Variants in SLC35F4 observed in about 807,000 individuals in gnomAD.
The protein encoded by SLC35F4 is solute carrier family 35 member F4.
SLC35F4 carries 24 observed loss-of-function variants against 44.2 expected under a neutral mutation model. The ratio of observed to expected loss-of-function variants is 0.54; its 90% CI spans 0.39 to 0.76. The LOEUF (loss-of-function observed/expected upper bound fraction) is 0.76, where lower values mean the gene tolerates loss of function less well. SLC35F4 is among the 30% of genes least tolerant of loss of function. The probability of loss-of-function intolerance (pLI) is 0.00; values close to 1 mark genes in which losing one functional copy is unlikely to be tolerated. For synonymous variants in SLC35F4, 238 were observed against 223.6 expected, an observed-to-expected ratio of 1.06 and a Z score of -0.57; for missense variants, 562 against 586.1, an observed-to-expected ratio of 0.96 and a Z score of 0.42.
At chr14:57,780,816 C>T (rs963836428) in intron 1 of SLC35F4, among the ~76,000 whole-genome samples, 2 of 151,590 alleles carry the variant, frequency 1.3e-5, no homozygotes, top group Non-Finnish European at 3.0e-5. Context: ...GCTGCACCCC[C>T]ACAACCATCT....
intron 1 of SLC35F4, among the ~76,000 whole-genome samples, chr14:57,666,908 G>C (rs73305940): frequency 1.3e-5 from 2 of 151,892 alleles, no homozygotes; most frequent in African/African-American, 4.8e-5. Flanking sequence ...CCAGGGAGAC[G>C]GAGACTACAA....
chr14:57,698,418 G>C (rs2075443662), intron 1 of SLC35F4, among the ~76,000 whole-genome samples: 1 of 152,140 alleles, frequency 6.6e-6, no homozygotes, highest in South Asian at 2.1e-4. Flanking sequence ...CAAGTCCCCA[G>C]AGAAGGTTTT....
chr14:57,773,907 C>T lies in SLC35F4; in HGVS notation c.103+91816G>A, dbSNP rs576039201. 6.6e-5 allele frequency among the ~76,000 whole-genome samples: 10 copies of T among 152,252 alleles called. No homozygotes were observed. In the East Asian group the frequency reaches 1.4e-3, roughly 21 times the overall value. On this transcript the variant is annotated intron_variant, in intron 1 of 7. Transcript: ENST00000556826. ...AATTCGTGCCACAAGAAAAATATCTCCCAGACCTTGCCTTCCTTTAGGAAT... is the reference window on the plus strand; with the variant it reads ...AATTCGTGCCACAAGAAAAATATCTTCCAGACCTTGCCTTCCTTTAGGAAT...
chr14:57,670,765 C>A (rs915647753), intron 1 of SLC35F4, among the ~76,000 whole-genome samples: 7 of 151,780 alleles, frequency 4.6e-5, no homozygotes, highest in Admixed American at 2.6e-4. Context: ...CCTAGTTGTG[C>A]ATTTCCTTGG....
intron 1 of SLC35F4, among the ~76,000 whole-genome samples, chr14:57,717,664 G>T (rs1343667265): frequency 6.6e-6 from 1 of 152,152 alleles, no homozygotes; most frequent in Non-Finnish European, 1.5e-5. Flanking sequence ...TCACATCATT[G>T]ACAGAATTAT....
At chr14:57,699,760 A>G (rs550290054) in intron 1 of SLC35F4, among the ~76,000 whole-genome samples, 60 of 152,346 alleles carry the variant, frequency 3.9e-4, no homozygotes, top group Non-Finnish European at 7.4e-4. Flanking sequence ...ATCTACTTTA[A>G]GGACACATAG....
At chr14:57,696,918 G>A (rs534288570) in intron 1 of SLC35F4, among the ~76,000 whole-genome samples, 4 of 152,210 alleles carry the variant, frequency 2.6e-5, no homozygotes, top group East Asian at 1.9e-4. Context: ...GGGCCTGTCC[G>A]GGGTTGTGGG....
At chr14:57,629,289 T>C (rs1454962463) in intron 1 of SLC35F4, among the ~76,000 whole-genome samples, 1 of 152,096 alleles carries the variant, frequency 6.6e-6, no homozygotes, top group African/African-American at 2.4e-5. Context: ...ATGTTTGACC[T>C]CCACTAAAAA....
At chr14:57,781,148 A>G (rs1368926077) in intron 1 of SLC35F4, among the ~76,000 whole-genome samples, 2 of 152,206 alleles carry the variant, frequency 1.3e-5, no homozygotes, top group East Asian at 1.9e-4. Context: ...GAATGGGAGA[A>G]ATATTTGCAA....
chr14:57,630,543 C>G (rs557775890), intron 1 of SLC35F4: 11 of 1,112,110 alleles, frequency 9.9e-6, no homozygotes, highest in South Asian at 8.5e-5. Flanking sequence ...GATTCCAAAA[C>G]ACATTATAAG....
intron 1 of SLC35F4, among the ~76,000 whole-genome samples, chr14:57,685,690 G>C (rs1217329174): frequency 6.6e-6 from 1 of 152,162 alleles, no homozygotes; most frequent in Non-Finnish European, 1.5e-5. Flanking sequence ...TGGTGTTCAA[G>C]AATTTAATAC....
chr14:57,965,663 C>G (rs1309697615), intron 1 of SLC35F4, among the ~76,000 whole-genome samples: 1 of 152,126 alleles, frequency 6.6e-6, no homozygotes, highest in East Asian at 1.9e-4. Context: ...TGGCCAGGCA[C>G]ATTTTGAAAA....
chr14:57,853,589 C>T (rs1300605978), intron 1 of SLC35F4, among the ~76,000 whole-genome samples: 3 of 152,104 alleles, frequency 2.0e-5, no homozygotes, highest in Non-Finnish European at 4.4e-5. Flanking sequence ...TGTCTCTTTC[C>T]CCAGGAATCT....
chr14:57,817,388 G>A (rs1392388231), intron 1 of SLC35F4, among the ~76,000 whole-genome samples: 3 of 152,042 alleles, frequency 2.0e-5, no homozygotes, highest in Non-Finnish European at 2.9e-5. Flanking sequence ...TTAGAGAATG[G>A]CCTCCTTTCC....
At chr14:57,720,604 G>A (rs9707750) in intron 1 of SLC35F4, among the ~76,000 whole-genome samples, 60,109 of 151,764 alleles carry the variant, frequency 0.4, 11,925 homozygotes, top group Middle Eastern at 0.41. Context: ...AGACTGTGAT[G>A]GCTAATACTG....
Position 57,831,234 on chromosome 14 carries a change from C to G in SLC35F4, c.103+34489G>C, listed in dbSNP as rs144432907. ...TCCACAGTATCTCTAATATCTTTCT[C>G]TCCCTGCCATGTGAGAATATAGTGA... On this transcript the variant is annotated intron_variant, in intron 1 of 7. Coordinates refer to ENST00000556826, the MANE Select transcript of SLC35F4 (RefSeq NM_001306087.2). Among the ~76,000 whole-genome samples the G allele has an allele frequency of 6.3e-3, 959 of 152,288 alleles. 12 individuals are homozygous for G. Among genetic ancestry groups the G allele is most frequent in the Middle Eastern group, 0.02 (6 of 294 alleles).
At chr14:57,674,960 A>G (rs1226542370) in intron 1 of SLC35F4, among the ~76,000 whole-genome samples, 3 of 152,154 alleles carry the variant, frequency 2.0e-5, no homozygotes, top group Non-Finnish European at 2.9e-5. Context: ...ATTTTTGAAA[A>G]GAGTCTGGAA....
intron 1 of SLC35F4, among the ~76,000 whole-genome samples, chr14:57,890,157 C>G (rs77875447): frequency 6.6e-6 from 1 of 151,896 alleles, no homozygotes. Context: ...GCATTGCTGT[C>G]CTTCATGAGA....
intron 1 of SLC35F4, among the ~76,000 whole-genome samples, chr14:57,928,162 C>G (rs1309905943): frequency 1.3e-5 from 2 of 152,104 alleles, no homozygotes; most frequent in African/African-American, 4.8e-5. Context: ...CTCAATCCCC[C>G]AGCCAGGGTG....
Sources: allele counts gnomAD v4.1 joint callset (sites outside exome capture counted in the v4.1 genomes callset), GRCh38; gene constraint gnomAD v4.1.1; transcripts MANE v1.5; gene names NCBI Gene and HGNC (gene_info 2026-07-23, HGNC 2026-07-21).